The following ATP8A2 variants were observed in gnomAD, a reference collection of about 807,000 sequenced individuals.
The protein encoded by ATP8A2 is phospholipid-transporting ATPase IB.
Under a neutral mutation model 165.6 loss-of-function variants are expected in ATP8A2, and 100 were observed. That is an observed-to-expected ratio of 0.60 (90% CI 0.51 to 0.71). ATP8A2 has a LOEUF of 0.71. Among genes scored for constraint, ATP8A2 ranks in the 30% least tolerant of loss-of-function variants. ATP8A2 has a pLI of 0.00. For missense variants in ATP8A2, 1,227 were observed against 1,479.5 expected (o/e 0.83, Z 2.80); for synonymous variants, 543 against 548.8 (o/e 0.99, Z 0.15).
chr13:25,531,410 TTATATATATGATATATATA>T (rs1566230381), intron 4 of ATP8A2, among the ~76,000 whole-genome samples: 5 of 58,966 alleles, frequency 8.5e-5, no homozygotes, highest in South Asian at 4.0e-4. Flanking sequence ...ATATATATGA[TTATATATATGATATATATA>T]TGATTATATA....
In ATP8A2 at chr13:25,860,813, G is replaced by T; in HGVS notation, c.3028G>T (p.Val1010Phe). 6.3e-7 allele frequency: 1 copy of T among 1,595,444 alleles called. No individual in the cohort carries two copies. Among genetic ancestry groups the T allele is most frequent in the Non-Finnish European group, 8.6e-7 (1 of 1,168,376 alleles). Residue 1010 changes from valine (V) to phenylalanine (F), a missense_variant, in exon 32 of 37, where the codon GTT (valine) becomes TTT (phenylalanine). Physicochemically the swap from Val to Phe is conservative, Grantham distance 50. Around this residue, in one of 5 missense-constraint regions of ATP8A2, gnomAD observed 260 missense variants for 245.1 expected, o/e 1.06. Transcript: ENST00000381655. ...VGNIVYTYVV[V>F]TVCLKAGLET... ...TCTTTTATTTTCACAGTATGTTGTT[G>T]TTACTGTTTGTCTGAAAGCTGGTTT...
intron 24 of ATP8A2, among the ~76,000 whole-genome samples, chr13:25,637,249 TGGACAGTAGGTGCA>T (rs1480311449): frequency 6.6e-6 from 1 of 152,034 alleles, no homozygotes; most frequent in African/African-American, 2.4e-5. Context: ...TGGGGCTAGT[TGGACAGTAGGTGCA>T]GGACAGTGGG....
At chr13:25,994,151 A>G (rs1593686943) in intron 35 of ATP8A2, among the ~76,000 whole-genome samples, 1 of 152,292 alleles carries the variant, frequency 6.6e-6, no homozygotes, top group Admixed American at 6.5e-5. Context: ...TTGATAATAC[A>G]TAGAAATACA....
intron 11 of ATP8A2, among the ~76,000 whole-genome samples, chr13:25,553,247 C>A (rs1215813113): frequency 6.6e-6 from 1 of 151,514 alleles, no homozygotes; most frequent in African/African-American, 2.4e-5. Flanking sequence ...CTGTGGACTC[C>A]ATCCCCTAGG....
At chr13:25,912,623 TGA>T in intron 33 of ATP8A2, among the ~76,000 whole-genome samples, 1 of 152,342 alleles carries the variant, frequency 6.6e-6, no homozygotes, top group South Asian at 2.1e-4. Context: ...ATTGTATTCG[TGA>T]ATCATGGCAT....
chr13:26,021,161 A>T lies in ATP8A2; in HGVS notation c.*1176A>T, dbSNP rs1366312060. On this transcript the variant is annotated 3_prime_UTR_variant, in exon 37 of 37. Coordinates refer to ENST00000381655, the MANE Select transcript of ATP8A2 (RefSeq NM_016529.6). The stretch of plus-strand genomic sequence containing the variant: ...AAACCCAGATGCAAGAGTATAGGAC[A>T]TTGAGTGGGGAGAACAAGACGACCA... The T allele has an allele frequency of 6.6e-6, 1 of 152,284 alleles. No homozygotes were observed. 9.4% of individuals were successfully genotyped at this position (152,284 alleles called of 1,614,324 possible).
At chr13:25,570,424 C>T (rs760086387) in intron 16 of ATP8A2, among the ~76,000 whole-genome samples, 1 of 152,072 alleles carries the variant, frequency 6.6e-6, no homozygotes, top group African/African-American at 2.4e-5. Flanking sequence ...GGCGGAAGCA[C>T]GTGGGCAAAT....
chr13:25,880,833 T>C, intron 33 of ATP8A2: 1 of 440,800 alleles, frequency 2.3e-6, no homozygotes. Context: ...GTCTTTGTGG[T>C]TTGGGTAAAA....
intron 25 of ATP8A2, among the ~76,000 whole-genome samples, chr13:25,734,155 G>A (rs909233423): frequency 4.6e-5 from 7 of 152,040 alleles, no homozygotes; most frequent in Non-Finnish European, 1.0e-4. Context: ...ATGCCTATTC[G>A]ACTGAATAAA....
chr13:25,464,428 T>C (rs1283387057), intron 1 of ATP8A2, among the ~76,000 whole-genome samples: 1 of 138,074 alleles, frequency 7.2e-6, no homozygotes, highest in Admixed American at 7.5e-5. Flanking sequence ...CCCAAAAAAC[T>C]GCTGCCTCAT....
rs928834592 is a variant in ATP8A2, at chr13:25,862,222, G to T, written c.3076-79G>T. On this transcript the variant is annotated intron_variant, in intron 32 of 36. Transcript: ENST00000381655. ...TAAGGAAAGGTAGCTTGGATGCAAG[G>T]ATTCTGCAGCAAGTGGAGTTGGGGT... 14 of 966,402 alleles carry T rather than the reference G, an allele frequency of 1.4e-5. No homozygotes were observed. In the South Asian group the frequency reaches 1.9e-4, roughly 13 times the overall value. The allele number at this position is 966,402 out of a possible 1,614,324, so 59.9% of individuals were successfully genotyped here. A position where few individuals can be genotyped will look rare whatever the true frequency, so the allele number is the denominator to read the frequency against.
At chr13:25,513,036 G>A (rs1195267192) in intron 2 of ATP8A2, among the ~76,000 whole-genome samples, 6 of 150,134 alleles carry the variant, frequency 4.0e-5, no homozygotes, top group Non-Finnish European at 7.4e-5. Flanking sequence ...CCTCCCGGAC[G>A]GGGCGGCTGG....
At chr13:25,556,703 T>C (rs12872159) in intron 13 of ATP8A2, among the ~76,000 whole-genome samples, 88,479 of 151,962 alleles carry the variant, frequency 0.58, 26,838 homozygotes, top group Non-Finnish European at 0.64. Context: ...TTCATACACC[T>C]TATTCAAACC....
intron 25 of ATP8A2, among the ~76,000 whole-genome samples, chr13:25,712,883 G>T (rs1316303335): frequency 6.6e-6 from 1 of 152,124 alleles, no homozygotes; most frequent in Non-Finnish European, 1.5e-5. Flanking sequence ...ATATACCTGG[G>T]TATTCTTCAT....
At chr13:25,848,730 C>A (rs961559087) in intron 30 of ATP8A2, among the ~76,000 whole-genome samples, 4 of 152,162 alleles carry the variant, frequency 2.6e-5, no homozygotes, top group Non-Finnish European at 5.9e-5. Context: ...TGTATAAACC[C>A]TGCTTTTTAT....
At chr13:25,768,291 T>C (rs1418439634) in intron 25 of ATP8A2, among the ~76,000 whole-genome samples, 2 of 152,178 alleles carry the variant, frequency 1.3e-5, no homozygotes, top group Non-Finnish European at 2.9e-5. Flanking sequence ...CCCACAGATT[T>C]ATACTGGCTC....
At chr13:25,623,911 ATG>A (rs776251447) in intron 24 of ATP8A2, among the ~76,000 whole-genome samples, 15 of 152,104 alleles carry the variant, frequency 9.9e-5, no homozygotes, top group Admixed American at 4.6e-4. Flanking sequence ...GCATGTATGT[ATG>A]TGTGTGCATA....
intron 33 of ATP8A2, among the ~76,000 whole-genome samples, chr13:25,931,528 C>G (rs191865874): frequency 6.6e-6 from 1 of 152,190 alleles, no homozygotes; most frequent in South Asian, 2.1e-4. Context: ...CCCCACCCCC[C>G]TCGACTGACG....
intron 27 of ATP8A2, among the ~76,000 whole-genome samples, chr13:25,779,915 T>C (rs568365888): frequency 6.6e-6 from 1 of 152,326 alleles, no homozygotes; most frequent in South Asian, 2.1e-4. Context: ...ATTGAATAAG[T>C]TCTTTAAAGC....
Sources: gnomAD v4.1 joint callset for allele counts (sites outside exome capture counted in the v4.1 genomes callset) on GRCh38, gnomAD v4.1.1 for gene constraint, gnomAD v4.1.1 regional missense constraint, MANE v1.5 for transcripts, NCBI Gene and HGNC (gene_info 2026-07-23, HGNC 2026-07-21) for gene names.